DACH2: variants seen among roughly 807,000 people sequenced by gnomAD.
The protein encoded by DACH2 is dachshund family transcription factor 2, also known as dachshund homolog 2.
A neutral mutation model predicts 35.8 loss-of-function variants in DACH2; 17 were observed. The ratio of observed to expected loss-of-function variants is 0.48; its 90% CI spans 0.33 to 0.71. DACH2 has a LOEUF of 0.71. DACH2 is among the 30% of genes least tolerant of loss of function. The pLI, the probability that DACH2 is intolerant of heterozygous loss-of-function variation, is 0.02. For synonymous variants in DACH2, 195 were observed against 177.3 expected (o/e 1.10, Z -0.79); for missense variants, 469 against 472.7 (o/e 0.99, Z 0.07).
At position 86,375,386 on chromosome X, in the gene DACH2, C is replaced by CATAT. The variant is rs746039983; in HGVS notation, c.489-1426_489-1423dup. Among the ~76,000 whole-genome samples, 299 of 95,587 alleles carry CATAT rather than the reference C, an allele frequency of 3.1e-3. 1 individual carries two copies. Among genetic ancestry groups the CATAT allele is most frequent in the African/African-American group, 0.011 (286 of 26,552 alleles). 83.0% of individuals were successfully genotyped at this position (95,587 alleles called of 115,157 possible). A position where few individuals can be genotyped will look rare whatever the true frequency, so the allele number is the denominator to read the frequency against. On this transcript the variant is annotated intron_variant, in intron 1 of 11. Coordinates refer to ENST00000373125, the MANE Select transcript of DACH2 (RefSeq NM_053281.3). The stretch of plus-strand genomic sequence containing the variant: ...AATACATATATAATTATATATAATA[C>CATAT]ATATATATATATATACATATATATA...
chrX:86,483,035 G>A (rs2037964327), intron 2 of DACH2, among the ~76,000 whole-genome samples: 1 of 107,476 alleles, frequency 9.3e-6, no homozygotes, highest in Admixed American at 1.0e-4. Context: ...TAAACCTAAT[G>A]CTAGATGACG....
At chrX:86,730,043 A>G (rs777129862) in intron 6 of DACH2, among the ~76,000 whole-genome samples, 6 of 110,609 alleles carry the variant, frequency 5.4e-5, no homozygotes, top group Non-Finnish European at 1.1e-4. Context: ...ACAAGCTGTG[A>G]TATTGAAACA....
chrX:86,315,797 A>C (rs2034889446), intron 1 of DACH2, among the ~76,000 whole-genome samples: 1 of 73,255 alleles, frequency 1.4e-5, no homozygotes, highest in Non-Finnish European at 2.4e-5. Flanking sequence ...GGACACACAC[A>C]CACACACACA....
At chrX:86,326,781 T>C (rs1227394560) in intron 1 of DACH2, among the ~76,000 whole-genome samples, 2 of 111,648 alleles carry the variant, frequency 1.8e-5, no homozygotes, top group Non-Finnish European at 3.8e-5. Context: ...AGTGAGAACA[T>C]ATGGTTAAAA....
chrX:86,226,377 G>A (rs1013183843), intron 1 of DACH2, among the ~76,000 whole-genome samples: 1 of 108,969 alleles, frequency 9.2e-6, no homozygotes, highest in African/African-American at 3.3e-5. Context: ...AAAAGTACCT[G>A]GTTTTACAGT....
intron 2 of DACH2, among the ~76,000 whole-genome samples, chrX:86,450,839 A>T (rs1019388509): frequency 9.0e-6 from 1 of 111,141 alleles, no homozygotes; most frequent in Non-Finnish European, 1.9e-5. Flanking sequence ...GAGCTTTTAA[A>T]AATATGTTTG....
In DACH2 at chrX:86,511,592, A is replaced by G. The variant is rs752906553; in HGVS notation, c.528-2687A>G. Among the ~76,000 whole-genome samples, 14 of 111,681 alleles carry G rather than the reference A, an allele frequency of 1.3e-4. No individual in the cohort carries two copies. The East Asian group carries it at 3.7e-3, about 29-fold the overall frequency. ...GGTTCTCACAATATATCAATGAAAA[A>G]ATCAAACCAAAATCTTTGCCCTCGT... On this transcript the variant is annotated intron_variant, in intron 2 of 11. Coordinates refer to ENST00000373125, the MANE Select transcript of DACH2 (RefSeq NM_053281.3).
chrX:86,774,496 G>A (rs1277159541), intron 7 of DACH2, among the ~76,000 whole-genome samples: 2 of 112,082 alleles, frequency 1.8e-5, no homozygotes, highest in African/African-American at 6.5e-5. Context: ...CTGAACTAAT[G>A]TTTAACACTT....
chrX:86,634,937 AAAG>A (rs2040243972), intron 3 of DACH2, among the ~76,000 whole-genome samples: 1 of 111,582 alleles, frequency 9.0e-6, no homozygotes, highest in Admixed American at 9.5e-5. Flanking sequence ...CTAGATATAA[AAAG>A]AAGAGCTGGT....
At chrX:86,574,197 A>G (rs185467792) in intron 3 of DACH2, among the ~76,000 whole-genome samples, 42 of 111,260 alleles carry the variant, frequency 3.8e-4, no homozygotes, top group African/African-American at 1.3e-3. Context: ...TTCTCAAAAT[A>G]CACACAAAAT....
At chrX:86,301,598 C>G (rs1451487508) in intron 1 of DACH2, among the ~76,000 whole-genome samples, 1 of 111,598 alleles carries the variant, frequency 9.0e-6, no homozygotes, top group Admixed American at 9.6e-5. Flanking sequence ...ACTACCTCCC[C>G]TGAGGTCAGA....
At chrX:86,301,329 A>T (rs1237586462) in intron 1 of DACH2, among the ~76,000 whole-genome samples, 1 of 112,087 alleles carries the variant, frequency 8.9e-6, no homozygotes, top group Non-Finnish European at 1.9e-5. Context: ...ATCAGTGACA[A>T]ATACAGGTTC....
chrX:86,575,037 T>C (rs1485170819), intron 3 of DACH2, among the ~76,000 whole-genome samples: 1 of 111,477 alleles, frequency 9.0e-6, no homozygotes, highest in Admixed American at 9.6e-5. Context: ...ATATGAGAGA[T>C]GGGTGAAAAA....
At chrX:86,292,964 T>C (rs2034341516) in intron 1 of DACH2, among the ~76,000 whole-genome samples, 2 of 100,788 alleles carry the variant, frequency 2.0e-5, no homozygotes, top group South Asian at 5.2e-4. Context: ...GAGCTGAGTT[T>C]AATTCCTGGG....
At chrX:86,745,818 T>C (rs1160289089) in intron 7 of DACH2, among the ~76,000 whole-genome samples, 7 of 111,542 alleles carry the variant, frequency 6.3e-5, no homozygotes, top group Non-Finnish European at 1.1e-4. Context: ...CCAAACTGCT[T>C]TCCCCAGTGA....
chrX:86,280,771 T>A (rs1018684734), intron 1 of DACH2, among the ~76,000 whole-genome samples: 1 of 111,446 alleles, frequency 9.0e-6, no homozygotes, highest in South Asian at 3.7e-4. Context: ...ACCAAGCAAA[T>A]GGAAAGCACA....
intron 3 of DACH2, among the ~76,000 whole-genome samples, chrX:86,600,395 A>T (rs1602687534): frequency 8.9e-6 from 1 of 111,956 alleles, no homozygotes; most frequent in African/African-American, 3.2e-5. Context: ...GTATTATACC[A>T]GTATTATTTA....
intron 1 of DACH2, among the ~76,000 whole-genome samples, chrX:86,193,523 ATGCTTAC>A (rs954935169): frequency 5.3e-5 from 6 of 112,196 alleles, no homozygotes; most frequent in African/African-American, 1.9e-4. Flanking sequence ...TATTAACAAC[ATGCTTAC>A]TTAATGAGAT....
At chrX:86,731,652 A>T (rs1475665581) in intron 6 of DACH2, among the ~76,000 whole-genome samples, 1 of 111,892 alleles carries the variant, frequency 8.9e-6, no homozygotes, top group Non-Finnish European at 1.9e-5. Flanking sequence ...CATTTGGATC[A>T]TTTTTTTATC....
Sources: allele counts gnomAD v4.1 joint callset (sites outside exome capture counted in the v4.1 genomes callset), GRCh38; gene constraint gnomAD v4.1.1; transcripts MANE v1.5; gene names NCBI Gene and HGNC (gene_info 2026-07-23, HGNC 2026-07-21).